The following COL25A1 variants were observed in gnomAD, a reference collection of about 807,000 sequenced individuals.
COL25A1 encodes collagen type XXV alpha 1 chain.
In COL25A1, 103 loss-of-function variants were observed where a neutral mutation model predicts 128.4. The observed-to-expected ratio is 0.80, with a 90% confidence interval of 0.68 to 0.94. COL25A1 has a LOEUF of 0.94. Among genes scored for constraint, COL25A1 ranks in the 40% least tolerant of loss-of-function variants. The pLI is 0.00. For synonymous variants in COL25A1, 279 were observed against 277.2 expected (o/e 1.01, Z -0.06); for missense variants, 745 against 840.0 (o/e 0.89, Z 1.40).
chr4:109,108,931 A>G (rs1308888416), intron 3 of COL25A1, among the ~76,000 whole-genome samples: 1 of 152,178 alleles, frequency 6.6e-6, no homozygotes, highest in Non-Finnish European at 1.5e-5. Flanking sequence ...TTATTGAAAT[A>G]TCTGCTTTAT....
intron 33 of COL25A1, 57 bp from the exon 34 acceptor site, chr4:108,825,279 T>C: frequency 7.1e-7 from 1 of 1,411,184 alleles, no homozygotes; most frequent in Non-Finnish European, 1.0e-6. Context: ...AATAGATTAT[T>C]GCTTTATTTA....
At chr4:108,850,905 G>A (rs931097005) in intron 26 of COL25A1, among the ~76,000 whole-genome samples, 1 of 152,086 alleles carries the variant, frequency 6.6e-6, no homozygotes, top group African/African-American at 2.4e-5. Flanking sequence ...AAGAATGGGT[G>A]CCTTTGGGGC....
intron 18 of COL25A1, among the ~76,000 whole-genome samples, chr4:108,887,241 A>G (rs1740942064): frequency 6.6e-6 from 1 of 152,146 alleles, no homozygotes; most frequent in Admixed American, 6.6e-5. Context: ...CTGTGTCACA[A>G]TATTCTGTAC....
intron 18 of COL25A1, among the ~76,000 whole-genome samples, chr4:108,885,685 T>C (rs1159995752): frequency 6.6e-6 from 1 of 152,192 alleles, no homozygotes; most frequent in African/African-American, 2.4e-5. Flanking sequence ...GAAAATTCTC[T>C]TTTATGTTAA....
intron 16 of COL25A1, among the ~76,000 whole-genome samples, chr4:108,891,625 C>A (rs556306249): frequency 6.6e-6 from 1 of 152,092 alleles, no homozygotes; most frequent in East Asian, 1.9e-4. Context: ...GCAGATATTA[C>A]TATTTCCATT....
intron 11 of COL25A1, 150 bp downstream of exon 11, chr4:108,937,658 A>G: frequency 1.8e-6 from 1 of 558,348 alleles, no homozygotes; most frequent in Non-Finnish European, 3.1e-6. Flanking sequence ...GACCATTAGC[A>G]TGTAGTAGGC....
intron 3 of COL25A1, among the ~76,000 whole-genome samples, chr4:109,108,782 A>G (rs985421497): frequency 6.6e-6 from 1 of 152,322 alleles, no homozygotes; most frequent in African/African-American, 2.4e-5. Context: ...TTTTAGCAAT[A>G]AAGTATTTTA....
chr4:109,272,529 G>A (rs372421907), intron 3 of COL25A1, among the ~76,000 whole-genome samples: 62 of 152,284 alleles, frequency 4.1e-4, no homozygotes, highest in African/African-American at 1.4e-3. Flanking sequence ...TTTGTAATAT[G>A]TGTTCACTGG....
At position 109,178,752 on chromosome 4, in the gene COL25A1, G is replaced by T. The variant is rs544617040; in HGVS notation, c.367+121831C>A. ...CAGGAAGCTGAGGCAGGAGAATGGC[G>T]TGAACCCAGGAGGCAGACCTTGCAG... On this transcript the variant is annotated intron_variant, in intron 3 of 37. Coordinates refer to ENST00000399132, the MANE Select transcript of COL25A1 (RefSeq NM_198721.4). 1.6e-4 allele frequency among the ~76,000 whole-genome samples: 23 copies of T among 147,708 alleles called. No individual in the cohort carries two copies. In the Admixed American group the frequency reaches 1.6e-3, roughly 10 times the overall value.
At chr4:108,832,258 C>T (rs1193873461) in intron 32 of COL25A1, 122 bp downstream of exon 32, 3 of 671,812 alleles carry the variant, frequency 4.5e-6, no homozygotes. Flanking sequence ...GATGGTATCT[C>T]TTTTTATTTA....
intron 3 of COL25A1, among the ~76,000 whole-genome samples, chr4:109,183,156 C>A (rs1463801579): frequency 6.6e-6 from 1 of 151,988 alleles, no homozygotes; most frequent in Non-Finnish European, 1.5e-5. Context: ...AAGCCTCCCA[C>A]CCCATCCATG....
At chr4:109,211,442 G>C (rs1777554255) in intron 3 of COL25A1, among the ~76,000 whole-genome samples, 2 of 114,098 alleles carry the variant, frequency 1.8e-5, no homozygotes, top group South Asian at 5.4e-4. Flanking sequence ...TGTTCACTCT[G>C]AGCCTTCCTT....
intron 3 of COL25A1, among the ~76,000 whole-genome samples, chr4:109,149,501 A>T (rs201288382): frequency 6.6e-6 from 1 of 152,134 alleles, no homozygotes; most frequent in East Asian, 1.9e-4. Context: ...AGGTGATTTT[A>T]AATAATAAAA....
At chr4:109,084,951 G>GCCCT (rs1219927170) in intron 3 of COL25A1, among the ~76,000 whole-genome samples, 2 of 152,050 alleles carry the variant, frequency 1.3e-5, no homozygotes, top group African/African-American at 4.8e-5. Flanking sequence ...TTCCAACAGA[G>GCCCT]CCCTCTCAAA....
chr4:108,986,555 G>A (rs747681251), intron 6 of COL25A1, among the ~76,000 whole-genome samples: 5 of 152,156 alleles, frequency 3.3e-5, no homozygotes, highest in Non-Finnish European at 5.9e-5. Flanking sequence ...GAAGTAATTA[G>A]ACAAATCCAG....
At position 109,017,541 on chromosome 4, in the gene COL25A1, A is replaced by G. The variant is rs147407313; in HGVS notation, c.421-7166T>C. Among the ~76,000 whole-genome samples, 883 of 152,354 alleles carry G rather than the reference A, an allele frequency of 5.8e-3. 8 individuals are homozygous for G. The highest frequency in any genetic ancestry group is 0.02 in the African/African-American group (821 of 41,576). On this transcript the variant is annotated intron_variant, in intron 5 of 37. Transcript: ENST00000399132. ...ATTGACAAACTCATTTGGATCTCTG[A>G]CTGAGGAAATTAGTTTCACTACATG...
intron 3 of COL25A1, among the ~76,000 whole-genome samples, chr4:109,077,646 G>T (rs1379763768): frequency 2.0e-5 from 3 of 152,174 alleles, no homozygotes; most frequent in Non-Finnish European, 4.4e-5. Context: ...GGCAGCCATG[G>T]ATACATGATG....
intron 31 of COL25A1, among the ~76,000 whole-genome samples, chr4:108,835,861 CTTTTTTTTTT>C (rs1158184110): frequency 1.1e-4 from 5 of 45,698 alleles, no homozygotes; most frequent in South Asian, 1.3e-3. Context: ...TTACATACGT[CTTTTTTTTTT>C]TTTTTTTTTT....
intron 3 of COL25A1, among the ~76,000 whole-genome samples, chr4:109,069,869 T>C (rs1451204937): frequency 6.6e-6 from 1 of 152,196 alleles, no homozygotes; most frequent in African/African-American, 2.4e-5. Flanking sequence ...AAGCATATGC[T>C]ACTTACCTTA....
Sources: allele counts gnomAD v4.1 joint callset (sites outside exome capture counted in the v4.1 genomes callset), GRCh38; gene constraint gnomAD v4.1.1; transcripts MANE v1.5; gene names NCBI Gene and HGNC (gene_info 2026-07-23, HGNC 2026-07-21).